Variants in PGM2L1 observed in about 807,000 individuals in gnomAD.
PGM2L1 encodes the protein phosphoglucomutase 2 like 1.
Under a neutral mutation model 73.4 loss-of-function variants are expected in PGM2L1, and 35 were observed. The ratio of observed to expected loss-of-function variants is 0.48; its 90% CI spans 0.36 to 0.63. PGM2L1 has a LOEUF of 0.63. Ranked by LOEUF, PGM2L1 falls within the 30% of genes least tolerant of loss-of-function variation. The pLI is 0.00. For missense variants in PGM2L1, 570 were observed against 742.0 expected (o/e 0.77, Z 2.69); for synonymous variants, 225 against 253.8 (o/e 0.89, Z 1.08).
chr11:74,339,624 T>C (rs1411514188), intron 12 of PGM2L1, among the ~76,000 whole-genome samples: 1 of 152,188 alleles, frequency 6.6e-6, no homozygotes, highest in African/African-American at 2.4e-5. Context: ...TCACTGCTCC[T>C]ATATTGAATT....
At chr11:74,354,847 T>C in intron 5 of PGM2L1, 1 of 867,746 alleles carries the variant, frequency 1.2e-6, no homozygotes, top group Non-Finnish European at 1.9e-6. Flanking sequence ...GAAGCGACTG[T>C]AATCATGACT....
intron 5 of PGM2L1, among the ~76,000 whole-genome samples, chr11:74,356,435 T>C (rs896823531): frequency 3.3e-5 from 5 of 152,152 alleles, no homozygotes; most frequent in Admixed American, 1.3e-4. Flanking sequence ...TTGGAAAAAA[T>C]ATTTAAGATG....
At chr11:74,360,525 G>A (rs547372958) in intron 5 of PGM2L1, among the ~76,000 whole-genome samples, 5 of 152,128 alleles carry the variant, frequency 3.3e-5, no homozygotes, top group Non-Finnish European at 2.9e-5. Flanking sequence ...CTGAGGTACC[G>A]GGTTCATCTC....
intron 5 of PGM2L1, chr11:74,354,585 C>G: frequency 8.9e-7 from 1 of 1,121,128 alleles, no homozygotes; most frequent in Admixed American, 1.7e-5. Flanking sequence ...TAATGAAAGA[C>G]CCAAACACCA....
intron 9 of PGM2L1, among the ~76,000 whole-genome samples, chr11:74,343,769 C>CTTTTTTTTTT (rs56938172): frequency 1.3e-5 from 1 of 79,116 alleles, no homozygotes; most frequent in Non-Finnish European, 2.3e-5. Flanking sequence ...TTTACATTAT[C>CTTTTTTTTTT]TTTTTTTTTT....
At chr11:74,369,840 A>G (rs927578219) in intron 4 of PGM2L1, among the ~76,000 whole-genome samples, 2 of 152,136 alleles carry the variant, frequency 1.3e-5, no homozygotes, top group Non-Finnish European at 2.9e-5. Context: ...TCTGCCTCTC[A>G]GGTTCAAGCA....
chr11:74,355,404 A>AG, intron 5 of PGM2L1: 1 of 538,080 alleles, frequency 1.9e-6, no homozygotes, highest in Non-Finnish European at 3.4e-6. Context: ...AATACAAAAA[A>AG]TTAGCCGGGC....
intron 5 of PGM2L1, among the ~76,000 whole-genome samples, chr11:74,357,833 ATTC>A (rs901583526): frequency 6.6e-6 from 1 of 152,228 alleles, no homozygotes; most frequent in Non-Finnish European, 1.5e-5. Flanking sequence ...ACGATGGAAT[ATTC>A]TTCTTCTGTG....
At position 74,398,236 on chromosome 11, in the gene PGM2L1, T is replaced by C; in HGVS notation, c.-75A>G. On this transcript the variant is annotated 5_prime_UTR_variant, in exon 1 of 14. The change abolishes the stop of an existing upstream ORF in the 5' untranslated region. Coordinates refer to ENST00000298198, the MANE Select transcript of PGM2L1 (RefSeq NM_173582.6). ...GGGTGGGGGGTGGCTTGGGGTTCGC[T>C]CACCAGGGTCCAGGCGTCCCCACCT... 6.6e-7 allele frequency: 1 copy of C among 1,525,330 alleles called. No individual in the cohort carries two copies. The highest frequency in any genetic ancestry group is 8.8e-7 in the Non-Finnish European group (1 of 1,136,422). 94.5% of individuals were successfully genotyped at this position (1,525,330 alleles called of 1,614,324 possible). A position where few individuals can be genotyped will look rare whatever the true frequency, so the allele number is the denominator to read the frequency against.
intron 1 of PGM2L1, among the ~76,000 whole-genome samples, chr11:74,392,973 C>G (rs930083930): frequency 8.5e-5 from 13 of 152,166 alleles, no homozygotes; most frequent in African/African-American, 2.7e-4. Flanking sequence ...AGGTTTGAGT[C>G]CCAATTTTAC....
At chr11:74,387,425 A>G (rs1365346477) in intron 1 of PGM2L1, among the ~76,000 whole-genome samples, 1 of 152,210 alleles carries the variant, frequency 6.6e-6, no homozygotes, top group Non-Finnish European at 1.5e-5. Flanking sequence ...ACATGAAAGC[A>G]TCTAGTAAGT....
intron 11 of PGM2L1, 75 bp from the exon 12 acceptor site, chr11:74,342,725 C>T: frequency 7.2e-7 from 1 of 1,386,994 alleles, no homozygotes; most frequent in Non-Finnish European, 9.7e-7. Flanking sequence ...GGAAGATCAG[C>T]CTACTATGGT....
intron 5 of PGM2L1, among the ~76,000 whole-genome samples, chr11:74,365,688 C>T (rs1382738945): frequency 2.6e-5 from 4 of 152,016 alleles, no homozygotes; most frequent in Non-Finnish European, 4.4e-5. Context: ...GTTAGAATGG[C>T]GATCATTAAA....
intron 1 of PGM2L1, among the ~76,000 whole-genome samples, chr11:74,379,195 G>A (rs1025206585): frequency 5.3e-5 from 8 of 152,146 alleles, no homozygotes; most frequent in African/African-American, 1.9e-4. Flanking sequence ...CATCGCAGAA[G>A]GGAAGGATAG....
At chr11:74,352,281 C>G (rs1196595891) in intron 5 of PGM2L1, among the ~76,000 whole-genome samples, 2 of 152,044 alleles carry the variant, frequency 1.3e-5, no homozygotes. Flanking sequence ...TTCCCTAAAA[C>G]TTGATACTAT....
intron 6 of PGM2L1, 53 bp downstream of exon 6, chr11:74,351,330 C>T (rs554611556): frequency 2.0e-6 from 3 of 1,487,840 alleles, no homozygotes; most frequent in African/African-American, 2.8e-5. Flanking sequence ...TTATTCTCCT[C>T]ATTCTTTAAC....
chr11:74,378,138 C>G (rs775413796), intron 1 of PGM2L1, among the ~76,000 whole-genome samples: 4 of 152,074 alleles, frequency 2.6e-5, no homozygotes, highest in Middle Eastern at 3.4e-3. Flanking sequence ...CTTGTCTCTA[C>G]TAAAAATACA....
intron 1 of PGM2L1, among the ~76,000 whole-genome samples, chr11:74,387,452 G>A (rs1198247642): frequency 6.6e-6 from 1 of 152,174 alleles, no homozygotes; most frequent in African/African-American, 2.4e-5. Context: ...TCTGGTACAT[G>A]ATCACTCATA....
chr11:74,378,985 A>C (rs1862899374), intron 1 of PGM2L1, among the ~76,000 whole-genome samples: 1 of 152,226 alleles, frequency 6.6e-6, no homozygotes, highest in Admixed American at 6.5e-5. Context: ...ATAAATATAA[A>C]TGTCTATAAA....
Sources: gnomAD v4.1 joint callset for allele counts (sites outside exome capture counted in the v4.1 genomes callset) on GRCh38, gnomAD v4.1.1 for gene constraint, MANE v1.5 for transcripts, NCBI Gene and HGNC (gene_info 2026-07-23, HGNC 2026-07-21) for gene names.